PHF20L1: variants seen among roughly 807,000 people sequenced by gnomAD.
PHF20L1 encodes the protein PHD finger protein 20-like protein 1.
A neutral mutation model predicts 125.5 loss-of-function variants in PHF20L1; 44 were observed. The ratio of observed to expected loss-of-function variants is 0.35; its 90% CI spans 0.28 to 0.45. The LOEUF (loss-of-function observed/expected upper bound fraction) is 0.45, where lower values mean the gene tolerates loss of function less well. Among genes scored for constraint, PHF20L1 ranks in the 20% least tolerant of loss-of-function variants. PHF20L1 has a pLI of 1.00. For synonymous variants in PHF20L1, 380 were observed against 403.1 expected (o/e 0.94, Z 0.69); for missense variants, 1,012 against 1,217.2 (o/e 0.83, Z 2.51).
chr8:132,786,989 G>A (rs118145053), intron 2 of PHF20L1, among the ~76,000 whole-genome samples: 1,639 of 152,076 alleles, frequency 0.011, 11 homozygotes, highest in Non-Finnish European at 0.017. Flanking sequence ...TTAAGAAATA[G>A]AACTGGGTGA....
intron 13 of PHF20L1, 94 bp from the exon 14 acceptor site, chr8:132,825,170 G>A: frequency 6.4e-7 from 1 of 1,561,768 alleles, no homozygotes; most frequent in African/African-American, 1.4e-5. Flanking sequence ...GACTGGAATA[G>A]CTGATTAAAA....
At position 132,775,612 on chromosome 8, in the gene PHF20L1, G is replaced by C; in HGVS notation, c.-71G>C. 2.9e-6 allele frequency: 1 copy of C among 345,112 alleles called. No homozygotes were observed. The highest frequency in any genetic ancestry group is 5.2e-6 in the Non-Finnish European group (1 of 191,356). 21.4% of individuals were successfully genotyped at this position (345,112 alleles called of 1,614,324 possible). ...CTCGTGCCCCAGCTCGGCCCCGGACGGCCCGGCTGCTGTGCAGAGAGGAGG... is the reference window on the plus strand; with the variant it reads ...CTCGTGCCCCAGCTCGGCCCCGGACCGCCCGGCTGCTGTGCAGAGAGGAGG... On this transcript the variant is annotated 5_prime_UTR_variant, in exon 1 of 21. Coordinates refer to ENST00000395386, the MANE Select transcript of PHF20L1 (RefSeq NM_016018.5).
intron 14 of PHF20L1, chr8:132,826,910 A>T (rs1836247214): frequency 6.6e-6 from 1 of 152,032 alleles, no homozygotes; most frequent in South Asian, 2.1e-4. Flanking sequence ...CCAACCGGGC[A>T]GTTTTGTGGT....
intron 10 of PHF20L1, chr8:132,816,280 T>G (rs963747769): frequency 6.6e-6 from 1 of 151,710 alleles, no homozygotes; most frequent in Non-Finnish European, 1.5e-5. Flanking sequence ...ATCTTAAATA[T>G]CCTCATTATT....
intron 9 of PHF20L1, chr8:132,811,348 C>T (rs1834368727): frequency 4.0e-6 from 5 of 1,235,078 alleles, no homozygotes; most frequent in Non-Finnish European, 5.1e-6. Flanking sequence ...CCTTTGTCTC[C>T]AAAATTTGAA....
In PHF20L1 at chr8:132,817,466, A is replaced by G; in HGVS notation, c.1500A>G (p.Ala500=). The G allele has an allele frequency of 1.9e-6, 3 of 1,612,638 alleles. No individual in the cohort carries two copies. The highest frequency in any genetic ancestry group is 2.5e-6 in the Non-Finnish European group (3 of 1,179,186). The change falls in exon 12 of 21, where the codon GCA becomes GCG. Residue 500 remains alanine, a synonymous_variant. Transcript: ENST00000395386. ...CTTACCGTAATGAATGTCCCAGGGC[A>G]GAAAAAGAGGATACACAGATGCTTC... ...DSSYRNECPR[A]EKEDTQMLPN...
intron 20 of PHF20L1, among the ~76,000 whole-genome samples, chr8:132,844,757 T>C (rs187871830): frequency 1.3e-5 from 2 of 152,172 alleles, no homozygotes; most frequent in Admixed American, 1.3e-4. Flanking sequence ...CCTTAAGTGG[T>C]TTTCTTTTAT....
At chr8:132,820,313 C>T (rs541079957) in intron 12 of PHF20L1, among the ~76,000 whole-genome samples, 1 of 151,758 alleles carries the variant, frequency 6.6e-6, no homozygotes, top group East Asian at 2.0e-4. Context: ...GAAAAGGGGT[C>T]TTTTGAAAAA....
intron 12 of PHF20L1, among the ~76,000 whole-genome samples, chr8:132,821,840 T>G (rs1343569385): frequency 6.6e-6 from 1 of 151,528 alleles, no homozygotes; most frequent in Non-Finnish European, 1.5e-5. Flanking sequence ...GCCAGATAAT[T>G]TTTTTTTAAT....
chr8:132,822,482 T>C (rs1835715678), intron 12 of PHF20L1, among the ~76,000 whole-genome samples: 1 of 151,954 alleles, frequency 6.6e-6, no homozygotes, highest in South Asian at 2.1e-4. Flanking sequence ...TAGCAATATA[T>C]CTGAATGTAT....
At chr8:132,798,991 G>A in intron 5 of PHF20L1, 104 bp from the exon 6 acceptor site, 6 of 1,130,176 alleles carry the variant, frequency 5.3e-6, no homozygotes, top group Non-Finnish European at 7.8e-6. Flanking sequence ...GCCCCAAATA[G>A]CAGCAAGAAA....
intron 13 of PHF20L1, chr8:132,824,829 T>C (rs1184322054): frequency 9.0e-5 from 20 of 222,378 alleles, no homozygotes; most frequent in South Asian, 8.2e-4. Flanking sequence ...GATTTAATTA[T>C]TTTTAAAGCT....
At chr8:132,797,175 G>A (rs549337911) in intron 4 of PHF20L1, among the ~76,000 whole-genome samples, 34 of 152,160 alleles carry the variant, frequency 2.2e-4, no homozygotes, top group African/African-American at 7.7e-4. Flanking sequence ...TTTCTGAAAG[G>A]TATTAATTTT....
intron 16 of PHF20L1, 135 bp from the exon 17 acceptor site, chr8:132,837,577 G>T: frequency 3.2e-6 from 2 of 618,818 alleles, no homozygotes; most frequent in Non-Finnish European, 2.9e-6. Flanking sequence ...TGATTTTGTT[G>T]TGTCAAATAA....
rs1214597246 is a variant in PHF20L1, at chr8:132,794,901, A to G, written c.340+84A>G. 3.7e-6 allele frequency: 3 copies of G among 815,916 alleles called. No homozygotes were observed. The East Asian group carries it at 8.1e-5, about 22-fold the overall frequency. The allele number at this position is 815,916 out of a possible 1,614,324, so 50.5% of individuals were successfully genotyped here. On this transcript the variant is annotated intron_variant, in intron 4 of 20. Coordinates refer to ENST00000395386, the MANE Select transcript of PHF20L1 (RefSeq NM_016018.5). The stretch of plus-strand genomic sequence containing the variant: ...TTTTAAATTTTAATTAGTGTGTGTT[A>G]TGTAATCATTACGTATAACTTTTAT...
At chr8:132,812,831 A>T in intron 9 of PHF20L1, 2 of 981,028 alleles carry the variant, frequency 2.0e-6, no homozygotes, top group Non-Finnish European at 2.4e-6. Context: ...GTCACTCATG[A>T]CATAGATTGA....
chr8:132,803,613 G>T (rs1833347147), intron 6 of PHF20L1: 1 of 504,796 alleles, frequency 2.0e-6, no homozygotes, highest in African/African-American at 2.0e-5. Context: ...CCTATTTTAT[G>T]AGAGGTTATG....
At chr8:132,834,651 A>G (rs147516769) in intron 15 of PHF20L1, among the ~76,000 whole-genome samples, 27 of 152,190 alleles carry the variant, frequency 1.8e-4, no homozygotes, top group African/African-American at 5.8e-4. Flanking sequence ...TACTGTTTAT[A>G]TGCTGCAACA....
chr8:132,819,401 A>G (rs1266667046), intron 12 of PHF20L1, among the ~76,000 whole-genome samples: 1 of 151,880 alleles, frequency 6.6e-6, no homozygotes, highest in Non-Finnish European at 1.5e-5. Flanking sequence ...CAGTATTTGA[A>G]TAGAGGGAGG....
Sources: gnomAD v4.1 joint callset for allele counts (sites outside exome capture counted in the v4.1 genomes callset) on GRCh38, gnomAD v4.1.1 for gene constraint, MANE v1.5 for transcripts, NCBI Gene and HGNC (gene_info 2026-07-23, HGNC 2026-07-21) for gene names.